The following DNAH14 variants were observed in gnomAD, a reference collection of about 807,000 sequenced individuals.
DNAH14 encodes axonemal beta dynein heavy chain 14.
DNAH14 carries 478 observed loss-of-function variants against 520.9 expected under a neutral mutation model. The observed-to-expected ratio is 0.92, with a 90% CI of 0.85 to 0.99. The LOEUF (loss-of-function observed/expected upper bound fraction) is 0.99. Ranked by LOEUF, DNAH14 falls within the 50% of genes least tolerant of loss-of-function variation. DNAH14 has a pLI of 0.00. For missense variants in DNAH14, 4,831 were observed against 5,234.5 expected, an observed-to-expected ratio of 0.92 and a Z score of 2.38; for synonymous variants, 1,581 against 1,757.2, an observed-to-expected ratio of 0.90 and a Z score of 2.51.
rs567834071 is a variant in DNAH14 at position 225,207,238 on chromosome 1, A to G, written c.6439+18A>G. On this transcript the variant is annotated intron_variant, in intron 41 of 85. Transcript: ENST00000682510. Reference sequence around the variant, plus strand: ...TGAACAAAGTGAGTTTTTTTCTCTAAGTCATATCAATGATATATCTTAGCT... The same window carrying G: ...TGAACAAAGTGAGTTTTTTTCTCTAGGTCATATCAATGATATATCTTAGCT... 4 of 1,491,520 alleles carry G rather than the reference A, an allele frequency of 2.7e-6. No homozygotes were observed. In the South Asian group the frequency reaches 4.0e-5, roughly 15 times the overall value. 92.4% of individuals were successfully genotyped at this position (1,491,520 alleles called of 1,614,324 possible). A position where few individuals can be genotyped will look rare whatever the true frequency, so the allele number is the denominator to read the frequency against.
At chr1:224,956,188 C>G (rs1340960273) in intron 3 of DNAH14, among the ~76,000 whole-genome samples, 2 of 151,870 alleles carry the variant, frequency 1.3e-5, no homozygotes, top group Non-Finnish European at 2.9e-5. Context: ...ATTTTTACTT[C>G]TCTGTGTTCC....
intron 23 of DNAH14, among the ~76,000 whole-genome samples, chr1:225,112,472 GTTC>G (rs1199395436): frequency 6.6e-6 from 1 of 152,062 alleles, no homozygotes; most frequent in Non-Finnish European, 1.5e-5. Flanking sequence ...TCTGTTTGGT[GTTC>G]TATAACCTTC....
intron 19 of DNAH14, 32 bp downstream of exon 19, chr1:225,080,780 A>T: frequency 6.7e-7 from 1 of 1,482,576 alleles, no homozygotes; most frequent in South Asian, 1.4e-5. Flanking sequence ...TTTCCCACCT[A>T]GGTCTATATA....
chr1:225,280,327 C>T (rs79198597), intron 54 of DNAH14, among the ~76,000 whole-genome samples: 7,520 of 152,096 alleles, frequency 0.049, 458 homozygotes, highest in East Asian at 0.24. Flanking sequence ...CAGCTGGGTG[C>T]GGTGGCTTAC....
At chr1:225,311,986 G>A (rs2150135522) in intron 60 of DNAH14, among the ~76,000 whole-genome samples, 1 of 151,850 alleles carries the variant, frequency 6.6e-6, no homozygotes, top group African/African-American at 2.4e-5. Context: ...GTGAAAAAAA[G>A]TCAATGGTAA....
chr1:225,363,567 C>T (rs1558526580), intron 75 of DNAH14, among the ~76,000 whole-genome samples: 17 of 152,082 alleles, frequency 1.1e-4, no homozygotes. Context: ...CCTCAGTCTG[C>T]CTTTGTCTTT....
intron 8 of DNAH14, 57 bp downstream of exon 8, chr1:224,974,210 G>T: frequency 8.8e-7 from 1 of 1,131,388 alleles, no homozygotes; most frequent in Non-Finnish European, 1.2e-6. Context: ...TGTTTTACAT[G>T]TACTATGGAA....
intron 60 of DNAH14, among the ~76,000 whole-genome samples, chr1:225,312,098 T>G (rs1203772042): frequency 6.6e-6 from 1 of 152,218 alleles, no homozygotes; most frequent in Non-Finnish European, 1.5e-5. Context: ...TTTTTCCGTT[T>G]GTTTGTGTCC....
At chr1:225,014,811 A>G (rs955774256) in intron 10 of DNAH14, among the ~76,000 whole-genome samples, 1 of 152,178 alleles carries the variant, frequency 6.6e-6, no homozygotes, top group African/African-American at 2.4e-5. Context: ...TATGAGGTCC[A>G]TTTAGTTTAT....
chr1:225,327,268 C>T (rs1444644558), intron 64 of DNAH14, among the ~76,000 whole-genome samples: 1 of 152,036 alleles, frequency 6.6e-6, no homozygotes, highest in Admixed American at 6.6e-5. Flanking sequence ...CGCCATTCTC[C>T]TGCCTCAGCC....
Position 225,381,579 on chromosome 1 carries a change from G to A in DNAH14, c.13077G>A (p.Gln4359=), listed in dbSNP as rs891485204. 8.0e-6 allele frequency: 12 copies of A among 1,498,330 alleles called. No homozygotes were observed. The highest frequency in any genetic ancestry group is 1.3e-5 in the South Asian group (1 of 76,128). 92.8% of individuals were successfully genotyped at this position (1,498,330 alleles called of 1,614,324 possible). A position where few individuals can be genotyped will look rare whatever the true frequency, so the allele number is the denominator to read the frequency against. ...ATATGAGAGTGCCTACATTGTGGCA[G>A]GTAAGCAATTATTATTATTTCCTAT... ...FLNMRVPTLW[Q]KHAYRSCKPL... is the part of the protein sequence containing the mutation. The change falls in exon 81 of 86, where the codon CAG becomes CAA. Residue 4359 remains glutamine, a splice_region_variant and synonymous_variant. Transcript: ENST00000682510.
rs570175113 is a variant in DNAH14, at chr1:225,294,575, C to T, written c.8469+4493C>T. 1.1e-4 allele frequency among the ~76,000 whole-genome samples: 17 copies of T among 152,240 alleles called. No individual in the cohort carries two copies. The East Asian group carries it at 3.3e-3, about 29-fold the overall frequency. On this transcript the variant is annotated intron_variant, in intron 55 of 85. Transcript: ENST00000682510. ...GTGGCTCATGCCTGTAATCCCAGCA[C>T]TTTGGGAGGCCAAGGCAGGCAGATC...
chr1:225,148,095 A>G (rs1458129334), intron 31 of DNAH14, among the ~76,000 whole-genome samples: 1 of 152,160 alleles, frequency 6.6e-6, no homozygotes. Flanking sequence ...CAATGAACAT[A>G]CCCAGGCATG....
intron 66 of DNAH14, among the ~76,000 whole-genome samples, chr1:225,333,945 T>G (rs975867561): frequency 6.6e-6 from 1 of 152,196 alleles, no homozygotes; most frequent in African/African-American, 2.4e-5. Flanking sequence ...AAAAGAGAAA[T>G]GCACCTAGCT....
intron 8 of DNAH14, among the ~76,000 whole-genome samples, chr1:224,978,705 C>T (rs1015105173): frequency 6.6e-6 from 1 of 152,168 alleles, no homozygotes; most frequent in Non-Finnish European, 1.5e-5. Context: ...GTTGTGTGAT[C>T]ATAGCTCACT....
intron 10 of DNAH14, among the ~76,000 whole-genome samples, chr1:225,011,657 T>G (rs565576061): frequency 1.7e-4 from 26 of 152,280 alleles, no homozygotes; most frequent in African/African-American, 5.5e-4. Flanking sequence ...CTCTTCTTGT[T>G]GGGTTGATCC....
intron 26 of DNAH14, among the ~76,000 whole-genome samples, chr1:225,122,653 A>G (rs571914354): frequency 1.3e-5 from 2 of 152,316 alleles, no homozygotes; most frequent in South Asian, 4.2e-4. Flanking sequence ...TAAAAATAAA[A>G]TTAAGTTCCA....
In DNAH14 at chr1:225,045,011, T is replaced by A. The variant is rs547647404; in HGVS notation, c.1912+1028T>A. 2.0e-5 allele frequency among the ~76,000 whole-genome samples: 3 copies of A among 152,258 alleles called. No individual in the cohort carries two copies. In the South Asian group the frequency reaches 6.2e-4, roughly 32 times the overall value. Reference sequence around the variant, plus strand: ...TGCTACTCTGATTCTCCTTCCTTTGTATACTTGTGATTTCTGTCTAGTAAT... The same window carrying A: ...TGCTACTCTGATTCTCCTTCCTTTGAATACTTGTGATTTCTGTCTAGTAAT... On this transcript the variant is annotated intron_variant, in intron 15 of 85. Coordinates refer to ENST00000682510, the MANE Select transcript of DNAH14 (RefSeq NM_001367479.1).
chr1:225,335,711 ATATACG>A (rs1417541033), intron 66 of DNAH14, among the ~76,000 whole-genome samples: 2,065 of 88,224 alleles, frequency 0.023, 435 homozygotes, highest in Non-Finnish European at 0.034. Flanking sequence ...GCATATATGT[ATATACG>A]CATATATACA....
Sources: gnomAD v4.1 joint callset for allele counts (sites outside exome capture counted in the v4.1 genomes callset) on GRCh38, gnomAD v4.1.1 for gene constraint, MANE v1.5 for transcripts, NCBI Gene and HGNC (gene_info 2026-07-23, HGNC 2026-07-21) for gene names.